The following VTI1A variants were observed in gnomAD, a reference collection of about 807,000 sequenced individuals.
VTI1A encodes the protein vesicle transport through interaction with t-SNAREs homolog 1A.
In VTI1A, 22 loss-of-function variants were observed where a neutral mutation model predicts 34.9. That is an observed-to-expected ratio of 0.63 (90% confidence interval 0.45 to 0.90). The LOEUF is 0.90. Among genes scored for constraint, VTI1A ranks in the 40% least tolerant of loss-of-function variants. The pLI is 0.00. For synonymous variants in VTI1A, 87 were observed against 97.3 expected (o/e 0.89, Z 0.62); for missense variants, 268 against 275.6 (o/e 0.97, Z 0.20).
In VTI1A at chr10:112,616,448, CA is replaced by C. The variant is rs774675054; in HGVS notation, c.428-51767del. Among the ~76,000 whole-genome samples, 16 of 152,132 alleles carry C rather than the reference CA, an allele frequency of 1.1e-4. No individual in the cohort carries two copies. In the East Asian group the frequency reaches 2.7e-3, roughly 26 times the overall value. On this transcript the variant is annotated intron_variant, in intron 5 of 7. Coordinates refer to ENST00000393077, the MANE Select transcript of VTI1A (RefSeq NM_145206.4). ...CTACTGGCTTCCAGAAAAAAATAAA[CA>C]AATTTTCTTCTGGAGGAAAGCATCC...
chr10:112,581,982 C>CT (rs1843964999), intron 5 of VTI1A, among the ~76,000 whole-genome samples: 3 of 152,150 alleles, frequency 2.0e-5, no homozygotes, highest in Non-Finnish European at 4.4e-5. Flanking sequence ...GACTTACCTC[C>CT]TTGACACACC....
At chr10:112,559,037 G>A (rs1051953959) in intron 5 of VTI1A, among the ~76,000 whole-genome samples, 3 of 152,138 alleles carry the variant, frequency 2.0e-5, no homozygotes, top group African/African-American at 7.2e-5. Flanking sequence ...GTGCCAATGG[G>A]CGCTTAAGTG....
At chr10:112,660,633 G>C (rs1015188581) in intron 5 of VTI1A, among the ~76,000 whole-genome samples, 7 of 152,292 alleles carry the variant, frequency 4.6e-5, no homozygotes, top group African/African-American at 1.7e-4. Flanking sequence ...CCACATGTAG[G>C]TACTGAGCAC....
intron 7 of VTI1A, among the ~76,000 whole-genome samples, chr10:112,728,774 G>A (rs1281154368): frequency 6.6e-6 from 1 of 152,154 alleles, no homozygotes; most frequent in Non-Finnish European, 1.5e-5. Context: ...CTCCTGTATG[G>A]AGTTTTATGG....
At chr10:112,819,979 G>A (rs571201705), downstream of VTI1A, among the ~76,000 whole-genome samples, 18 of 152,298 alleles carry the variant, frequency 1.2e-4, no homozygotes, top group South Asian at 3.3e-3. Flanking sequence ...GGAAGAGATG[G>A]TGCACGTTCC....
In VTI1A at chr10:112,679,064, C is replaced by A. The variant is rs188017560; in HGVS notation, c.560+10066C>A. On this transcript the variant is annotated intron_variant, in intron 7 of 7. Coordinates refer to ENST00000393077, the MANE Select transcript of VTI1A (RefSeq NM_145206.4). ...CACTTTGGTGCTGTTCCTAAAGTAG[C>A]TAAGAATTTTTTTTAAGCCACCGTT... is the stretch of plus-strand genomic sequence containing the variant. Among the ~76,000 whole-genome samples, 71 of 152,198 alleles carry A rather than the reference C, an allele frequency of 4.7e-4. 1 individual carries two copies. Among genetic ancestry groups the A allele is most frequent in the Admixed American group, 4.6e-3 (70 of 15,284 alleles).
At chr10:112,524,435 C>T (rs1462414507) in intron 3 of VTI1A, among the ~76,000 whole-genome samples, 2 of 152,084 alleles carry the variant, frequency 1.3e-5, no homozygotes, top group Non-Finnish European at 1.5e-5. Flanking sequence ...CTTGGTTACA[C>T]TCAGCATATC....
chr10:112,535,063 C>T (rs1850572690), intron 4 of VTI1A, among the ~76,000 whole-genome samples: 1 of 152,146 alleles, frequency 6.6e-6, no homozygotes, highest in African/African-American at 2.4e-5. Context: ...ATTCCAAAAA[C>T]TTAAAGCATC....
intron 3 of VTI1A, among the ~76,000 whole-genome samples, chr10:112,493,364 ATTC>A (rs1161187527): frequency 6.6e-6 from 1 of 151,864 alleles, no homozygotes; most frequent in African/African-American, 2.4e-5. Flanking sequence ...TTCTTTGTTG[ATTC>A]TTCTGGATTT....
chr10:112,787,932 C>A (rs1394352598), intron 7 of VTI1A, among the ~76,000 whole-genome samples: 2 of 151,692 alleles, frequency 1.3e-5, no homozygotes, highest in African/African-American at 4.8e-5. Context: ...GAACTCCTGA[C>A]CTCAAGTGAT....
chr10:112,635,003 G>A (rs1225460868), intron 5 of VTI1A, among the ~76,000 whole-genome samples: 1 of 152,184 alleles, frequency 6.6e-6, no homozygotes, highest in African/African-American at 2.4e-5. Context: ...AGACAGAGGA[G>A]CATTAGAGGA....
At chr10:112,692,774 G>T (rs1048556557) in intron 7 of VTI1A, among the ~76,000 whole-genome samples, 2 of 152,180 alleles carry the variant, frequency 1.3e-5, no homozygotes, top group African/African-American at 4.8e-5. Flanking sequence ...AATCATCTGC[G>T]TGTTGCCTAA....
At chr10:112,459,383 G>A (rs993569488) in intron 1 of VTI1A, among the ~76,000 whole-genome samples, 3 of 152,172 alleles carry the variant, frequency 2.0e-5, no homozygotes, top group African/African-American at 7.2e-5. Flanking sequence ...GAAAGGAAAA[G>A]GCTTTCCCCT....
At chr10:112,607,261 T>C (rs1845120183) in intron 5 of VTI1A, among the ~76,000 whole-genome samples, 1 of 149,208 alleles carries the variant, frequency 6.7e-6, no homozygotes, top group South Asian at 2.1e-4. Context: ...CACTCCAACC[T>C]GGGTGATAGA....
At chr10:112,609,066 GT>G (rs1432961770) in intron 5 of VTI1A, among the ~76,000 whole-genome samples, 4 of 152,030 alleles carry the variant, frequency 2.6e-5, no homozygotes, top group Non-Finnish European at 5.9e-5. Context: ...TTGGAAAATG[GT>G]TTTTTGGTGG....
At chr10:112,463,855 A>G (rs1847810437) in intron 2 of VTI1A, among the ~76,000 whole-genome samples, 1 of 152,234 alleles carries the variant, frequency 6.6e-6, no homozygotes, top group Admixed American at 6.5e-5. Flanking sequence ...CCCATGGGAA[A>G]TAATAGCTTA....
rs372135473 is a variant in VTI1A, at chr10:112,543,137, T to C, written c.427+4807T>C. ...ATTGTGAATAGTGCTGCAATGAACA[T>C]ACGTGTGCATGTGTCTTTATAGTAG... On this transcript the variant is annotated intron_variant, in intron 5 of 7. Transcript: ENST00000393077. Among the ~76,000 whole-genome samples, 101 of 152,360 alleles carry C rather than the reference T, an allele frequency of 6.6e-4. 1 individual carries two copies. In the South Asian group the frequency reaches 0.017, roughly 26 times the overall value.
intron 4 of VTI1A, among the ~76,000 whole-genome samples, chr10:112,533,306 C>T (rs114188805): frequency 6.6e-6 from 1 of 152,132 alleles, no homozygotes; most frequent in African/African-American, 2.4e-5. Context: ...ACACTATTCT[C>T]TTTGTTTAAT....
At chr10:112,575,932 T>A (rs1843688167) in intron 5 of VTI1A, among the ~76,000 whole-genome samples, 1 of 152,130 alleles carries the variant, frequency 6.6e-6, no homozygotes, top group Non-Finnish European at 1.5e-5. Flanking sequence ...TAGAAAAGTT[T>A]AAACCTCTCG....
Sources: gnomAD v4.1 joint callset for allele counts (sites outside exome capture counted in the v4.1 genomes callset) on GRCh38, gnomAD v4.1.1 for gene constraint, MANE v1.5 for transcripts, NCBI Gene and HGNC (gene_info 2026-07-23, HGNC 2026-07-21) for gene names.